The following DLG2 variants were observed in gnomAD, a reference collection of about 807,000 sequenced individuals.
DLG2 encodes discs large MAGUK scaffold protein 2, also known as disks large homolog 2.
A neutral mutation model predicts 132.5 loss-of-function variants in DLG2; 45 were observed. The observed-to-expected ratio is 0.34, with a 90% CI of 0.27 to 0.44. The LOEUF (loss-of-function observed/expected upper bound fraction) is 0.44, where lower values mean the gene tolerates loss of function less well. Among genes scored for constraint, DLG2 ranks in the 20% least tolerant of loss-of-function variants. The probability of loss-of-function intolerance (pLI) is 1.00; values close to 1 mark genes in which losing one functional copy is unlikely to be tolerated. For missense variants in DLG2, 1,045 were observed against 1,196.9 expected (o/e 0.87, Z 1.87); for synonymous variants, 424 against 419.6 (o/e 1.01, Z -0.13).
chr11:85,277,482 T>C (rs2077964007), intron 4 of DLG2, among the ~76,000 whole-genome samples: 1 of 152,140 alleles, frequency 6.6e-6, no homozygotes, highest in Non-Finnish European at 1.5e-5. Flanking sequence ...AAATATTAGG[T>C]AGAAAACCAA....
At chr11:85,132,477 G>A (rs529392821) in intron 5 of DLG2, among the ~76,000 whole-genome samples, 63 of 151,354 alleles carry the variant, frequency 4.2e-4, no homozygotes, top group Non-Finnish European at 7.4e-4. Flanking sequence ...TTTCTATTAT[G>A]AGCTATAAAT....
At chr11:85,404,275 T>G (rs1421936541) in intron 3 of DLG2, among the ~76,000 whole-genome samples, 1 of 151,800 alleles carries the variant, frequency 6.6e-6, no homozygotes, top group Non-Finnish European at 1.5e-5. Flanking sequence ...TCAAGAAGAG[T>G]GCACAGAGGT....
intron 3 of DLG2, among the ~76,000 whole-genome samples, chr11:85,428,461 G>A (rs1010828040): frequency 2.0e-5 from 3 of 152,102 alleles, no homozygotes; most frequent in Non-Finnish European, 4.4e-5. Context: ...CTAGAACTCA[G>A]GATTAAGAAA....
chr11:84,540,499 T>A (rs1466687846), intron 6 of DLG2, among the ~76,000 whole-genome samples: 1 of 152,068 alleles, frequency 6.6e-6, no homozygotes, highest in Non-Finnish European at 1.5e-5. Flanking sequence ...TGAGATACCA[T>A]CTCACTCAGT....
chr11:84,620,068 G>A (rs2099611217), intron 6 of DLG2, among the ~76,000 whole-genome samples: 2 of 151,572 alleles, frequency 1.3e-5, no homozygotes, highest in South Asian at 4.1e-4. Context: ...TTTAGTTAAT[G>A]TAGTAATTTA....
At chr11:83,943,314 A>T (rs1290575058) in intron 14 of DLG2, among the ~76,000 whole-genome samples, 2 of 152,208 alleles carry the variant, frequency 1.3e-5, no homozygotes, top group Non-Finnish European at 2.9e-5. Context: ...ACTCCAGGGG[A>T]GGACTGTTAG....
chr11:84,858,310 G>A (rs1320043031), intron 6 of DLG2, among the ~76,000 whole-genome samples: 1 of 151,866 alleles, frequency 6.6e-6, no homozygotes, highest in Non-Finnish European at 1.5e-5. Context: ...GTAGAAAAGT[G>A]CAAGTCTGAT....
At chr11:85,450,719 C>T (rs191947155) in intron 3 of DLG2, among the ~76,000 whole-genome samples, 22 of 152,290 alleles carry the variant, frequency 1.4e-4, no homozygotes, top group Admixed American at 2.6e-4. Flanking sequence ...ACTATTCGCA[C>T]AAAGATAAAA....
intron 8 of DLG2, among the ~76,000 whole-genome samples, chr11:84,199,619 A>G (rs1423627841): frequency 6.6e-6 from 1 of 152,124 alleles, no homozygotes; most frequent in East Asian, 1.9e-4. Context: ...TAAAAAGAAC[A>G]AAATCAAAAT....
intron 7 of DLG2, among the ~76,000 whole-genome samples, chr11:84,478,992 T>C (rs963532887): frequency 5.3e-5 from 8 of 152,220 alleles, no homozygotes; most frequent in Admixed American, 2.0e-4. Context: ...GGTAAAATAC[T>C]ACTCCTTTAG....
intron 6 of DLG2, among the ~76,000 whole-genome samples, chr11:84,710,059 AAG>A (rs1256462122): frequency 6.6e-6 from 1 of 151,950 alleles, no homozygotes; most frequent in Non-Finnish European, 1.5e-5. Flanking sequence ...TGTACTTATG[AAG>A]AGAGAGTGTC....
chr11:83,689,100 C>T (rs893802898), intron 18 of DLG2, among the ~76,000 whole-genome samples: 5 of 152,108 alleles, frequency 3.3e-5, no homozygotes, highest in South Asian at 2.1e-4. Context: ...AGCTGCATAG[C>T]ATATTTTTAT....
chr11:84,103,597 TC>T (rs2092695442), intron 9 of DLG2, among the ~76,000 whole-genome samples: 1 of 152,060 alleles, frequency 6.6e-6, no homozygotes, highest in South Asian at 2.1e-4. Flanking sequence ...GACCATTCTT[TC>T]TCTTAATTGT....
chr11:84,438,503 T>C (rs566049398), intron 7 of DLG2, among the ~76,000 whole-genome samples: 2 of 152,262 alleles, frequency 1.3e-5, no homozygotes, highest in East Asian at 3.9e-4. Flanking sequence ...ACCCAGGTTT[T>C]CTTGTAGTGA....
intron 6 of DLG2, among the ~76,000 whole-genome samples, chr11:84,832,724 C>T (rs1024037829): frequency 4.0e-5 from 6 of 151,398 alleles, no homozygotes; most frequent in Admixed American, 6.6e-5. Context: ...TGTTATTTAC[C>T]GACCTAAGAT....
intron 3 of DLG2, among the ~76,000 whole-genome samples, chr11:85,410,762 G>C (rs1210274120): frequency 6.6e-6 from 1 of 151,878 alleles, no homozygotes; most frequent in Non-Finnish European, 1.5e-5. Context: ...CTATGGTATA[G>C]TAAGTGATGT....
At chr11:83,499,824 G>GAT (rs1219176481) in intron 21 of DLG2, among the ~76,000 whole-genome samples, 6 of 99,856 alleles carry the variant, frequency 6.0e-5, no homozygotes, top group Non-Finnish European at 8.2e-5. Flanking sequence ...CCTCTAATAG[G>GAT]ATATATATAT....
chr11:85,478,887 T>C (rs1178375975), intron 3 of DLG2, among the ~76,000 whole-genome samples: 1 of 152,136 alleles, frequency 6.6e-6, no homozygotes, highest in Non-Finnish European at 1.5e-5. Flanking sequence ...GCCAAATAGG[T>C]TTAAGACCTA....
Position 83,805,272 on chromosome 11 carries a change from C to T in DLG2, c.1723-18480G>A, listed in dbSNP as rs932575465. Among the ~76,000 whole-genome samples the T allele has an allele frequency of 2.6e-5, 4 of 151,670 alleles. No individual in the cohort carries two copies. The East Asian group carries it at 5.8e-4, about 22-fold the overall frequency. On this transcript the variant is annotated intron_variant, in intron 17 of 27. Transcript: ENST00000376104. Reference sequence around the variant, plus strand: ...CTTTCTTGAAATAGTTATTTTGTAGCGGGTTAAAAAATGGTTATTTTATAA... The same window carrying T: ...CTTTCTTGAAATAGTTATTTTGTAGTGGGTTAAAAAATGGTTATTTTATAA...
Sources: allele counts gnomAD v4.1 joint callset (sites outside exome capture counted in the v4.1 genomes callset), GRCh38; gene constraint gnomAD v4.1.1; transcripts MANE v1.5; gene names NCBI Gene and HGNC (gene_info 2026-07-23, HGNC 2026-07-21).